BPIFB6: variants seen among roughly 807,000 people sequenced by gnomAD.
The protein encoded by BPIFB6 is BPI fold-containing family B member 6.
In BPIFB6, 47 loss-of-function variants were observed where a neutral mutation model predicts 54.7. The observed-to-expected ratio is 0.86, with a 90% CI of 0.68 to 1.10. The LOEUF (loss-of-function observed/expected upper bound fraction) is 1.10, where lower values mean the gene tolerates loss of function less well. Ranked by LOEUF, BPIFB6 falls within the 50% of genes least tolerant of loss-of-function variation. The pLI is 0.00. For missense variants in BPIFB6, 603 were observed against 564.1 expected (o/e 1.07, Z -0.70); for synonymous variants, 255 against 225.9 (o/e 1.13, Z -1.16).
intron 2 of BPIFB6, 45 bp downstream of exon 2, chr20:33,033,128 G>C: frequency 6.9e-7 from 1 of 1,449,044 alleles, no homozygotes; most frequent in African/African-American, 1.4e-5. Flanking sequence ...AGGGCAGAGG[G>C]TGGTGGGGAT....
chr20:33,043,679 A>G (rs2146370155), intron 14 of BPIFB6, among the ~76,000 whole-genome samples: 1 of 152,330 alleles, frequency 6.6e-6, no homozygotes, highest in African/African-American at 2.4e-5. Context: ...ATTATGCTTC[A>G]CTAAGATCAT....
At chr20:33,042,092 G>A (rs56353822) in intron 12 of BPIFB6, 77 bp downstream of exon 12, 14 of 1,465,584 alleles carry the variant, frequency 9.6e-6, no homozygotes, top group Admixed American at 1.7e-5. Context: ...CTACAGGGCC[G>A]AGGCCCTGAA....
chr20:33,037,879 C>A, intron 8 of BPIFB6, 141 bp downstream of exon 8: 1 of 880,412 alleles, frequency 1.1e-6, no homozygotes, highest in Non-Finnish European at 1.8e-6. Context: ...GAGTTTCTCT[C>A]AGCAGTTCAT....
chr20:33,042,044 C>T lies in BPIFB6; in HGVS notation c.1188+29C>T, dbSNP rs181117173. On this transcript the variant is annotated intron_variant, in intron 12 of 14. Transcript: ENST00000349552. The stretch of plus-strand genomic sequence containing the variant: ...AGTGTCCCAAGTGCTCTTGCCTGTC[C>T]GGCGTGAGGACAAGACTGGGCCTAT... 1,336 of 1,606,094 alleles carry T rather than the reference C, an allele frequency of 8.3e-4. 2 individuals are homozygous for T. Among genetic ancestry groups the T allele is most frequent in the Admixed American group, 2.4e-3 (146 of 60,016 alleles).
rs767976548 is a variant in BPIFB6 at position 33,035,629 on chromosome 20, T to C, written c.534T>C (p.Asp178=). ...VLPGLMCPAI[D]AVLVYVNRKW... is the part of the protein sequence containing the mutation. ...GCTTCCAGATGTGTCCCGCCATCGA[T>C]GCAGTCCTGGTGTATGTGAACAGGA... The change falls in exon 6 of 15, where the codon GAT becomes GAC. Residue 178 remains aspartate (D), a synonymous_variant. Transcript: ENST00000349552. The C allele has an allele frequency of 6.8e-6, 11 of 1,614,084 alleles. No homozygotes were observed. The Admixed American group carries it at 1.7e-4, about 24-fold the overall frequency.
intron 2 of BPIFB6, chr20:33,033,462 G>A (rs930899960): frequency 2.2e-6 from 1 of 454,540 alleles, no homozygotes; most frequent in African/African-American, 2.0e-5. Context: ...GAGGAAACTG[G>A]TTCCTCTGCC....
At chr20:33,032,280 T>C (rs938332109) in intron 1 of BPIFB6, among the ~76,000 whole-genome samples, 2 of 152,168 alleles carry the variant, frequency 1.3e-5, no homozygotes, top group African/African-American at 2.4e-5. Context: ...CACATCCAGG[T>C]ACAAAAGGCT....
chr20:33,035,492 A>G (rs781120568), intron 5 of BPIFB6, 120 bp from the exon 6 acceptor site: 122 of 1,018,712 alleles, frequency 1.2e-4, no homozygotes, highest in Non-Finnish European at 1.7e-4. Flanking sequence ...TTGGGACCTC[A>G]GTTTTCTCCC....
chr20:33,039,427 A>G lies in BPIFB6; in HGVS notation c.981A>G (p.Thr327=). The G allele has an allele frequency of 1.2e-6, 2 of 1,614,248 alleles. No individual in the cohort carries two copies. Among genetic ancestry groups the G allele is most frequent in the Non-Finnish European group, 1.7e-6 (2 of 1,180,040 alleles). The change falls in exon 10 of 15, where the codon ACA becomes ACG. Residue 327 remains threonine, a synonymous_variant. Coordinates refer to ENST00000349552, the MANE Select transcript of BPIFB6 (RefSeq NM_174897.2). ...IKKPPKVTMK[T]GKSLLHLHST... ...AGCCTCCCAAGGTCACTATGAAGAC[A>G]GGCAAGAGCCTGCTGCACCTCCACA...
In BPIFB6 at chr20:33,039,073, C is replaced by T. The variant is rs942196954; in HGVS notation, c.900+111C>T. On this transcript the variant is annotated intron_variant, in intron 9 of 14. Coordinates refer to ENST00000349552, the MANE Select transcript of BPIFB6 (RefSeq NM_174897.2). ...GCTTTTCATGCCACATATTCCTTGTCCAATGCTGAAACATCTTTTCTTCTT... is the reference window on the plus strand; with the variant it reads ...GCTTTTCATGCCACATATTCCTTGTTCAATGCTGAAACATCTTTTCTTCTT... 4.4e-5 allele frequency: 55 copies of T among 1,264,080 alleles called. No homozygotes were observed. In the African/African-American group the frequency reaches 6.9e-4, roughly 16 times the overall value. 78.3% of individuals were successfully genotyped at this position (1,264,080 alleles called of 1,614,324 possible). A position where few individuals can be genotyped will look rare whatever the true frequency, so the allele number is the denominator to read the frequency against.
At position 33,031,683 on chromosome 20, in the gene BPIFB6, G is replaced by C. The variant is rs766606038; in HGVS notation, c.36G>C (p.Leu12=). ...LRILCLALCS[L]LTGTRADPGA... ...TCCTGTGCCTGGCACTCTGCAGCCTGCTGACTGGCACGCGAGCTGACCCTG... is the reference window on the plus strand; with the variant it reads ...TCCTGTGCCTGGCACTCTGCAGCCTCCTGACTGGCACGCGAGCTGACCCTG... Residue 12 remains leucine, a synonymous_variant, in exon 1 of 15, where the codon CTG becomes CTC. Transcript: ENST00000349552. The C allele has an allele frequency of 3.7e-6, 6 of 1,614,060 alleles. No individual in the cohort carries two copies. Among genetic ancestry groups the C allele is most frequent in the East Asian group, 2.2e-5 (1 of 44,866 alleles).
intron 8 of BPIFB6, among the ~76,000 whole-genome samples, 157 bp from the exon 9 acceptor site, chr20:33,038,752 G>T (rs6088078): frequency 6.6e-6 from 1 of 152,010 alleles, no homozygotes; most frequent in African/African-American, 2.4e-5. Context: ...TCATCACCTG[G>T]GCTGCCCAGA....
chr20:33,034,187 T>C lies in BPIFB6; in HGVS notation c.199T>C (p.Leu67=). The change falls in exon 3 of 15, where the codon TTG becomes CTG. Residue 67 remains leucine (L), a splice_region_variant and synonymous_variant. Transcript: ENST00000349552. ...GMKPIKGITN[L]KVKDVQLPVI... is the part of the protein sequence containing the mutation. The stretch of plus-strand genomic sequence containing the variant: ...GTGTGGCTGCCTGTCCCTTCCCAGT[T>C]TGAAGGTGAAGGATGTCCAGCTGCC... 1 of 1,611,454 alleles carries C rather than the reference T, an allele frequency of 6.2e-7. No homozygotes were observed. The highest frequency in any genetic ancestry group is 8.5e-7 in the Non-Finnish European group (1 of 1,177,618).
chr20:33,039,900 G>A (rs924994616), intron 10 of BPIFB6, among the ~76,000 whole-genome samples: 2 of 152,216 alleles, frequency 1.3e-5, no homozygotes, highest in African/African-American at 2.4e-5. Flanking sequence ...TGCCAGAGAA[G>A]GGTTGGGGAC....
intron 11 of BPIFB6, among the ~76,000 whole-genome samples, chr20:33,040,699 A>T (rs1160600308): frequency 6.6e-6 from 1 of 152,230 alleles, no homozygotes; most frequent in Non-Finnish European, 1.5e-5. Context: ...TTATACTAAT[A>T]GCAGCTAACA....
rs748367748 is a variant in BPIFB6 at position 33,034,903 on chromosome 20, T to C, written c.443T>C (p.Leu148Pro). 1.2e-6 allele frequency: 2 copies of C among 1,609,576 alleles called. No individual in the cohort carries two copies. Among genetic ancestry groups the C allele is most frequent in the Admixed American group, 1.7e-5 (1 of 59,918 alleles). Residue 148 changes from leucine to proline, a missense_variant, in exon 4 of 15, where the codon CTG becomes CCG. By Grantham distance (98) the Leu-to-Pro change is moderately conservative. Coordinates refer to ENST00000349552, the MANE Select transcript of BPIFB6 (RefSeq NM_174897.2). ...ATCCTGGTCAATGTGAAGACTAACC[T>C]GCCTAGCAAGTGAGGGGCTCTGTGG... ...EVILVNVKTNLPSNMLPKMVN... is the reference protein window; with the variant it reads ...EVILVNVKTNPPSNMLPKMVN...
At position 33,043,385 on chromosome 20, in the gene BPIFB6, GGGAGGT is replaced by G; in HGVS notation, c.1329+19_1329+24del. Reference sequence around the variant, plus strand: ...TAGTAGAGGTGAGAGGAGGGGCTAGGGGAGGTCATGTCAATCAACACTGTCAGCCAG... The same window carrying G: ...TAGTAGAGGTGAGAGGAGGGGCTAGGCATGTCAATCAACACTGTCAGCCAG... On this transcript the variant is annotated intron_variant, in intron 14 of 14. Transcript: ENST00000349552. 6.2e-7 allele frequency: 1 copy of G among 1,609,560 alleles called. No homozygotes were observed. Among genetic ancestry groups the G allele is most frequent in the Non-Finnish European group, 8.5e-7 (1 of 1,175,938 alleles).
At chr20:33,034,725 C>A in intron 3 of BPIFB6, 38 bp from the exon 4 acceptor site, 1 of 1,567,852 alleles carries the variant, frequency 6.4e-7, no homozygotes, top group South Asian at 1.2e-5. Context: ...GACACCATGG[C>A]AGAGATGCCC....
At chr20:33,034,127 G>A in intron 2 of BPIFB6, 59 bp from the exon 3 acceptor site, 1 of 1,205,892 alleles carries the variant, frequency 8.3e-7, no homozygotes, top group Non-Finnish European at 1.2e-6. Flanking sequence ...TGAAGTGGGT[G>A]GAGGTCCTGG....
Sources: gnomAD v4.1 joint callset for allele counts (sites outside exome capture counted in the v4.1 genomes callset) on GRCh38, gnomAD v4.1.1 for gene constraint, MANE v1.5 for transcripts, NCBI Gene and HGNC (gene_info 2026-07-23, HGNC 2026-07-21) for gene names.